Variants in IFT80 observed in about 807,000 individuals in gnomAD.
IFT80 encodes intraflagellar transport 80.
Under a neutral mutation model 107.9 loss-of-function variants are expected in IFT80, and 79 were observed. The observed-to-expected ratio is 0.73, with a 90% CI of 0.61 to 0.88. IFT80 has a LOEUF of 0.88. IFT80 is among the 40% of genes least tolerant of loss of function. The pLI, the probability that IFT80 is intolerant of heterozygous loss-of-function variation, is 0.00. For missense variants in IFT80, 797 were observed against 914.2 expected (o/e 0.87, Z 1.65); for synonymous variants, 299 against 300.9 (o/e 0.99, Z 0.07).
chr3:160,347,013 G>A (rs187386559), intron 8 of IFT80, among the ~76,000 whole-genome samples: 22 of 152,214 alleles, frequency 1.4e-4, no homozygotes, highest in African/African-American at 4.1e-4. Context: ...TTTCTAAGGC[G>A]TCAAAACAAA....
intron 12 of IFT80, among the ~76,000 whole-genome samples, chr3:160,292,548 C>T (rs1299367884): frequency 6.8e-6 from 1 of 146,818 alleles, no homozygotes; most frequent in African/African-American, 2.5e-5. Flanking sequence ...GGCGCGATCT[C>T]AGCTCACTGC....
At chr3:160,265,784 C>A (rs897000242) in intron 19 of IFT80, among the ~76,000 whole-genome samples, 1 of 152,088 alleles carries the variant, frequency 6.6e-6, no homozygotes, top group Non-Finnish European at 1.5e-5. Context: ...TGTGAGCCCA[C>A]CAAAATCACC....
chr3:160,279,429 T>A, intron 15 of IFT80, 65 bp from the exon 16 acceptor site: 1 of 1,352,824 alleles, frequency 7.4e-7, no homozygotes, highest in Non-Finnish European at 1.0e-6. Flanking sequence ...TCATGTATAT[T>A]AAATTTGGGG....
chr3:160,277,535 G>C, intron 17 of IFT80, 46 bp downstream of exon 17: 1 of 1,575,066 alleles, frequency 6.3e-7, no homozygotes, highest in Non-Finnish European at 8.7e-7. Context: ...AATAAATTAC[G>C]CTAAGAAAAA....
intron 8 of IFT80, among the ~76,000 whole-genome samples, chr3:160,332,691 A>T (rs2108319706): frequency 6.6e-6 from 1 of 152,356 alleles, no homozygotes; most frequent in Admixed American, 6.5e-5. Flanking sequence ...GAAGCAATTA[A>T]TGTCTGTTGC....
chr3:160,301,605 T>C (rs1716429757), intron 11 of IFT80, among the ~76,000 whole-genome samples: 1 of 151,986 alleles, frequency 6.6e-6, no homozygotes, highest in Non-Finnish European at 1.5e-5. Flanking sequence ...ACTATCAGTA[T>C]GTATTCATAT....
intron 8 of IFT80, among the ~76,000 whole-genome samples, chr3:160,325,804 TTTGGTTGTGGC>T (rs1294063068): frequency 6.6e-6 from 1 of 152,100 alleles, no homozygotes; most frequent in African/African-American, 2.4e-5. Context: ...TTGTAAATGT[TTTGGTTGTGGC>T]CTGTCACATG....
intron 5 of IFT80, chr3:160,373,430 A>G (rs1166698237): frequency 6.6e-6 from 1 of 152,252 alleles, no homozygotes. Flanking sequence ...CTAAACTACT[A>G]GCACTATTAT....
chr3:160,357,531 G>C lies in IFT80; in HGVS notation c.597C>G (p.Val199=). 6.3e-7 allele frequency: 1 copy of C among 1,598,008 alleles called. No individual in the cohort carries two copies. Among genetic ancestry groups the C allele is most frequent in the Non-Finnish European group, 8.6e-7 (1 of 1,165,938 alleles). Residue 199 remains valine, a synonymous_variant, in exon 7 of 20, where the codon GTC becomes GTG. Transcript: ENST00000326448. ...CACCAGCAGATAAAATAAGATCATT[G>C]ACCGAGTTCCAATCTACTTTTAAAA... ...GIILKVDWNS[V]NDLILSAGED...
chr3:160,274,654 G>T (rs1214050396), intron 18 of IFT80: 3 of 152,082 alleles, frequency 2.0e-5, no homozygotes, highest in African/African-American at 7.2e-5. Context: ...AACAACATAA[G>T]CATGGCCGGG....
intron 8 of IFT80, among the ~76,000 whole-genome samples, chr3:160,354,624 G>A (rs1313380707): frequency 6.6e-6 from 1 of 152,126 alleles, no homozygotes; most frequent in African/African-American, 2.4e-5. Context: ...CTGCACTCCA[G>A]CCTGGGCGAC....
At chr3:160,333,061 C>G (rs1719198979) in intron 8 of IFT80, among the ~76,000 whole-genome samples, 1 of 152,130 alleles carries the variant, frequency 6.6e-6, no homozygotes, top group Non-Finnish European at 1.5e-5. Flanking sequence ...GGCTACAAAC[C>G]TATCAAGCAC....
chr3:160,259,035 A>G (rs1399140511), intron 19 of IFT80, among the ~76,000 whole-genome samples: 1 of 152,098 alleles, frequency 6.6e-6, no homozygotes, highest in Admixed American at 6.5e-5. Flanking sequence ...CTAAGCCCTC[A>G]AGGTCAAGGC....
chr3:160,275,777 G>A (rs1445603151), intron 18 of IFT80, among the ~76,000 whole-genome samples: 1 of 151,972 alleles, frequency 6.6e-6, no homozygotes, highest in African/African-American at 2.4e-5. Flanking sequence ...TTCTCTATTA[G>A]CTGGGTAATG....
rs1284660004 is a variant in IFT80, at chr3:160,277,650, A to ACAAG, written c.1853_1856dup (p.Ala621SerfsTer8). The ACAAG allele has an allele frequency of 2.5e-6, 4 of 1,613,328 alleles. No homozygotes were observed. Among genetic ancestry groups the ACAAG allele is most frequent in the Non-Finnish European group, 3.4e-6 (4 of 1,179,560 alleles). On this transcript the variant is annotated frameshift_variant, in exon 17 of 20. Coordinates refer to ENST00000326448, the MANE Select transcript of IFT80 (RefSeq NM_020800.3). LOFTEE classifies it high-confidence loss of function. ...GATTAGCAACTGCCATAGCAGCTAG[A>ACAAG]CAAGCCCACATGGTTTGCTCCTAAA...
intron 8 of IFT80, among the ~76,000 whole-genome samples, chr3:160,334,202 A>G (rs988688340): frequency 7.9e-5 from 12 of 152,208 alleles, no homozygotes; most frequent in African/African-American, 2.7e-4. Flanking sequence ...AATGGTACTA[A>G]GGTTAGGTTA....
At chr3:160,362,815 C>T (rs997436447) in intron 6 of IFT80, among the ~76,000 whole-genome samples, 2 of 152,220 alleles carry the variant, frequency 1.3e-5, no homozygotes, top group Non-Finnish European at 2.9e-5. Flanking sequence ...CAAAATTCAA[C>T]AGCCCTTCAT....
chr3:160,322,801 T>G (rs926765218), intron 8 of IFT80, among the ~76,000 whole-genome samples: 21 of 152,252 alleles, frequency 1.4e-4, no homozygotes, highest in African/African-American at 3.9e-4. Flanking sequence ...GATGAGCATT[T>G]TTTCATGTGT....
chr3:160,309,783 TA>T (rs892029563), intron 9 of IFT80, among the ~76,000 whole-genome samples: 115 of 148,330 alleles, frequency 7.8e-4, no homozygotes, highest in African/African-American at 1.2e-3. Flanking sequence ...TGCTCACATT[TA>T]AAAAAAAAAC....
Sources: allele counts gnomAD v4.1 joint callset (sites outside exome capture counted in the v4.1 genomes callset), GRCh38; gene constraint gnomAD v4.1.1; transcripts MANE v1.5; gene names NCBI Gene and HGNC (gene_info 2026-07-23, HGNC 2026-07-21).